The following ZNF536 variants were observed in gnomAD, a reference collection of about 807,000 sequenced individuals.
ZNF536 encodes the protein zinc finger protein 536.
Under a neutral mutation model 84.5 loss-of-function variants are expected in ZNF536, and 13 were observed. The observed-to-expected ratio is 0.15, with a 90% confidence interval of 0.10 to 0.24. ZNF536 has a LOEUF of 0.24. ZNF536 is among the 10% of genes least tolerant of loss of function. ZNF536 has a pLI of 1.00. For synonymous variants in ZNF536, 811 were observed against 742.5 expected (o/e 1.09, Z -1.50); for missense variants, 1,536 against 1,747.5 (o/e 0.88, Z 2.16).
intron 1 of ZNF536, among the ~76,000 whole-genome samples, chr19:30,255,167 C>A (rs753370393): frequency 6.6e-6 from 1 of 152,058 alleles, no homozygotes; most frequent in African/African-American, 2.4e-5. Flanking sequence ...CTATTCCCCC[C>A]CTTTTTTTCA....
At chr19:30,490,204 G>A (rs181234353) in intron 2 of ZNF536, among the ~76,000 whole-genome samples, 104 of 152,262 alleles carry the variant, frequency 6.8e-4, no homozygotes, top group Middle Eastern at 3.4e-3. Context: ...CCAGAAAACA[G>A]TTTTGTTGTT....
At chr19:30,615,367 C>T (rs1441411495) in intron 1 of ZNF536, among the ~76,000 whole-genome samples, 1 of 152,192 alleles carries the variant, frequency 6.6e-6, no homozygotes, top group Non-Finnish European at 1.5e-5. Flanking sequence ...TTGAACCAAA[C>T]ACCATTTATT....
intron 1 of ZNF536, among the ~76,000 whole-genome samples, chr19:30,613,861 A>G (rs557076061): frequency 7.2e-5 from 11 of 152,138 alleles, no homozygotes; most frequent in Middle Eastern, 6.8e-3. Flanking sequence ...TGGTTCTTTT[A>G]TTTATTTATT....
intron 1 of ZNF536, among the ~76,000 whole-genome samples, chr19:30,678,649 C>T (rs947002540): frequency 6.6e-6 from 1 of 152,174 alleles, no homozygotes; most frequent in African/African-American, 2.4e-5. Flanking sequence ...ACTCCTAGAG[C>T]CAAGCAGGGA....
intron 2 of ZNF536, among the ~76,000 whole-genome samples, chr19:30,342,757 G>A (rs1369386656): frequency 6.6e-6 from 1 of 152,206 alleles, no homozygotes; most frequent in African/African-American, 2.4e-5. Flanking sequence ...AAAAACTCTA[G>A]CATGAGTTTA....
chr19:30,344,176 A>AC (rs1030485299), intron 2 of ZNF536, among the ~76,000 whole-genome samples: 1 of 151,250 alleles, frequency 6.6e-6, no homozygotes, highest in African/African-American at 2.4e-5. Flanking sequence ...AGTGGCCCAC[A>AC]CCTATAATCC....
At chr19:30,689,035 C>T (rs778882670) in intron 1 of ZNF536, among the ~76,000 whole-genome samples, 23 of 152,186 alleles carry the variant, frequency 1.5e-4, no homozygotes, top group Non-Finnish European at 2.6e-4. Context: ...GCTGAGCTCT[C>T]GATGTGTGTC....
intron 2 of ZNF536, among the ~76,000 whole-genome samples, chr19:30,447,907 T>C (rs1442859059): frequency 6.6e-6 from 1 of 152,208 alleles, no homozygotes; most frequent in Non-Finnish European, 1.5e-5. Flanking sequence ...ACACCAAATG[T>C]TCAGCTTCAT....
chr19:30,668,948 C>A (rs1432088232), intron 1 of ZNF536, among the ~76,000 whole-genome samples: 1 of 152,228 alleles, frequency 6.6e-6, no homozygotes, highest in Non-Finnish European at 1.5e-5. Flanking sequence ...AGGGCCAGGC[C>A]ACGGAGGAGC....
chr19:30,476,968 TAATA>T (rs1373053006), intron 2 of ZNF536, among the ~76,000 whole-genome samples: 1 of 151,992 alleles, frequency 6.6e-6, no homozygotes, highest in Non-Finnish European at 1.5e-5. Flanking sequence ...TTTTTTTTTT[TAATA>T]GAGATGGGGT....
intron 1 of ZNF536, among the ~76,000 whole-genome samples, chr19:30,703,476 C>A (rs1016149890): frequency 1.3e-5 from 2 of 152,210 alleles, no homozygotes; most frequent in African/African-American, 4.8e-5. Context: ...TTCTATCTCA[C>A]ATTTGCTGAA....
chr19:30,470,191 C>A (rs186101799), intron 2 of ZNF536, among the ~76,000 whole-genome samples: 165 of 152,278 alleles, frequency 1.1e-3, no homozygotes, highest in African/African-American at 3.9e-3. Context: ...GTACTAGTTT[C>A]TTTAGCTACA....
intron 2 of ZNF536, among the ~76,000 whole-genome samples, chr19:30,301,082 C>T (rs1222278377): frequency 6.6e-6 from 1 of 152,176 alleles, no homozygotes; most frequent in Non-Finnish European, 1.5e-5. Flanking sequence ...CCCCATCAGG[C>T]CCCTGATCAT....
chr19:30,543,265 C>G (rs1404192187), intron 3 of ZNF536, among the ~76,000 whole-genome samples: 2 of 152,226 alleles, frequency 1.3e-5, no homozygotes, highest in East Asian at 3.8e-4. Flanking sequence ...CAGATAAACA[C>G]AAAGCAATGA....
At chr19:30,422,024 CA>C (rs2050982015) in intron 1 of ZNF536, among the ~76,000 whole-genome samples, 1 of 151,898 alleles carries the variant, frequency 6.6e-6, no homozygotes, top group Admixed American at 6.6e-5. Flanking sequence ...AAAATATTAG[CA>C]GGGGTACAAA....
intron 1 of ZNF536, among the ~76,000 whole-genome samples, chr19:30,271,648 C>A (rs1214974788): frequency 2.0e-5 from 3 of 152,140 alleles, no homozygotes; most frequent in African/African-American, 7.2e-5. Context: ...TGGCTCATGT[C>A]CATTTTCACA....
chr19:30,268,278 T>A (rs1395542094), intron 1 of ZNF536, among the ~76,000 whole-genome samples: 1 of 152,188 alleles, frequency 6.6e-6, no homozygotes, highest in East Asian at 1.9e-4. Context: ...GGATTCTTAC[T>A]ATTGCAGGAC....
chr19:30,664,537 A>G (rs919850644), intron 1 of ZNF536, among the ~76,000 whole-genome samples: 1 of 152,156 alleles, frequency 6.6e-6, no homozygotes, highest in South Asian at 2.1e-4. Flanking sequence ...ATCACAGGCC[A>G]GTTGCTTAAC....
intron 2 of ZNF536, among the ~76,000 whole-genome samples, chr19:30,298,297 CA>C (rs2046073238): frequency 6.6e-6 from 1 of 152,176 alleles, no homozygotes; most frequent in South Asian, 2.1e-4. Flanking sequence ...TACTCTGACT[CA>C]AGACCCTTGG....
Sources: gnomAD v4.1 joint callset for allele counts (sites outside exome capture counted in the v4.1 genomes callset) on GRCh38, gnomAD v4.1.1 for gene constraint, MANE v1.5 for transcripts, NCBI Gene and HGNC (gene_info 2026-07-23, HGNC 2026-07-21) for gene names.